Variants in GPD2 observed in about 807,000 individuals in gnomAD.
GPD2 encodes glycerol-3-phosphate dehydrogenase, mitochondrial.
A neutral mutation model predicts 82.4 loss-of-function variants in GPD2; 54 were observed. That is an observed-to-expected ratio of 0.66 (90% CI 0.53 to 0.82). The LOEUF (loss-of-function observed/expected upper bound fraction) is 0.82. Among genes scored for constraint, GPD2 ranks in the 40% least tolerant of loss-of-function variants. The pLI is 0.00. For missense variants in GPD2, 748 were observed against 896.2 expected, an observed-to-expected ratio of 0.83 and a Z score of 2.11; for synonymous variants, 288 against 306.1, an observed-to-expected ratio of 0.94 and a Z score of 0.62.
At chr2:156,498,307 C>T (rs1313625070) in intron 3 of GPD2, among the ~76,000 whole-genome samples, 1 of 152,124 alleles carries the variant, frequency 6.6e-6, no homozygotes, top group Non-Finnish European at 1.5e-5. Context: ...GACCACATTA[C>T]ATGATAGAGA....
upstream of GPD2, among the ~76,000 whole-genome samples, chr2:156,432,773 A>G (rs575337666): frequency 1.3e-5 from 2 of 152,302 alleles, no homozygotes; most frequent in South Asian, 4.1e-4. Context: ...TGTGTGTGTG[A>G]AGAGTGGGAG....
chr2:156,551,071 T>C (rs1686740426), intron 8 of GPD2, among the ~76,000 whole-genome samples: 2 of 152,212 alleles, frequency 1.3e-5, no homozygotes, highest in South Asian at 4.1e-4. Context: ...TTGCAAAATT[T>C]TTTATAAAGG....
At chr2:156,535,289 GAA>G (rs555306806) in intron 6 of GPD2, among the ~76,000 whole-genome samples, 23 of 149,016 alleles carry the variant, frequency 1.5e-4, no homozygotes, top group African/African-American at 4.9e-4. Flanking sequence ...GAGAGAGAGA[GAA>G]AGAGAGAGAA....
At chr2:156,537,162 A>G (rs1386866756) in intron 6 of GPD2, among the ~76,000 whole-genome samples, 1 of 152,110 alleles carries the variant, frequency 6.6e-6, no homozygotes, top group African/African-American at 2.4e-5. Context: ...AAGACAGATA[A>G]CAGTTTATGG....
At chr2:156,476,904 T>C (rs1355524254) in intron 2 of GPD2, among the ~76,000 whole-genome samples, 1 of 152,248 alleles carries the variant, frequency 6.6e-6, no homozygotes. Context: ...CCCCATCCCA[T>C]GTCATTAGGA....
At chr2:156,551,549 G>C (rs1241439415) in intron 8 of GPD2, among the ~76,000 whole-genome samples, 2 of 152,110 alleles carry the variant, frequency 1.3e-5, no homozygotes, top group Non-Finnish European at 2.9e-5. Flanking sequence ...AGTAGGCAAA[G>C]TAGTAATTCT....
At chr2:156,437,859 G>GT (rs999430641) in intron 1 of GPD2, among the ~76,000 whole-genome samples, 7 of 151,882 alleles carry the variant, frequency 4.6e-5, no homozygotes, top group Admixed American at 6.6e-5. Context: ...ACCCCCTTTA[G>GT]TTTTTTTTGT....
chr2:156,572,627 T>C (rs1274909400), intron 13 of GPD2, among the ~76,000 whole-genome samples: 1 of 152,122 alleles, frequency 6.6e-6, no homozygotes, highest in Non-Finnish European at 1.5e-5. Flanking sequence ...TGAGATTATA[T>C]AGGGAGTTAA....
the GPD2 span, among the ~76,000 whole-genome samples, chr2:156,427,788 A>G: frequency 6.6e-6 from 1 of 152,186 alleles, no homozygotes; most frequent in African/African-American, 2.4e-5. Flanking sequence ...GTTGAAAATC[A>G]ACATCACTAG....
chr2:156,533,895 G>A (rs1558947268), intron 6 of GPD2, among the ~76,000 whole-genome samples: 1 of 152,222 alleles, frequency 6.6e-6, no homozygotes, highest in Non-Finnish European at 1.5e-5. Context: ...GCCCACGGTA[G>A]CGTCTAGGGG....
intron 2 of GPD2, among the ~76,000 whole-genome samples, chr2:156,495,153 ACGC>A (rs1431252570): frequency 2.7e-4 from 41 of 152,258 alleles, no homozygotes; most frequent in African/African-American, 9.4e-4. Flanking sequence ...GTTCGAGACC[ACGC>A]TGGGCAACAT....
At chr2:156,570,923 C>T (rs1687589951) in intron 12 of GPD2, among the ~76,000 whole-genome samples, 1 of 152,144 alleles carries the variant, frequency 6.6e-6, no homozygotes, top group Non-Finnish European at 1.5e-5. Flanking sequence ...TAACTCTTGT[C>T]CAATTTTTGC....
intron 1 of GPD2, among the ~76,000 whole-genome samples, chr2:156,475,679 G>A (rs1558916975): frequency 6.6e-6 from 1 of 152,206 alleles, no homozygotes; most frequent in Non-Finnish European, 1.5e-5. Flanking sequence ...GATGTTTATT[G>A]TCTTGTTGAG....
chr2:156,509,018 T>C (rs996881453), intron 3 of GPD2, among the ~76,000 whole-genome samples: 3 of 152,214 alleles, frequency 2.0e-5, no homozygotes, highest in Non-Finnish European at 4.4e-5. Flanking sequence ...ATTTTGGCTC[T>C]CAATATTCTT....
chr2:156,427,912 A>G, the GPD2 span, among the ~76,000 whole-genome samples: 1 of 152,222 alleles, frequency 6.6e-6, no homozygotes, highest in African/African-American at 2.4e-5. Flanking sequence ...TTGTGTCTGC[A>G]TTACTCCAAT....
At chr2:156,498,496 G>A (rs1002548869) in intron 3 of GPD2, among the ~76,000 whole-genome samples, 3 of 152,198 alleles carry the variant, frequency 2.0e-5, no homozygotes, top group East Asian at 1.9e-4. Flanking sequence ...TGTGCAGGAG[G>A]AACAGCGTGG....
At chr2:156,446,715 CA>C (rs1682382337) in intron 1 of GPD2, among the ~76,000 whole-genome samples, 1 of 151,992 alleles carries the variant, frequency 6.6e-6, no homozygotes, top group African/African-American at 2.4e-5. Flanking sequence ...AGGTACGTGC[CA>C]CCATGCCTGG....
At chr2:156,426,822 AT>A in the GPD2 span, among the ~76,000 whole-genome samples, 2 of 99,352 alleles carry the variant, frequency 2.0e-5, no homozygotes, top group Admixed American at 1.2e-4. Flanking sequence ...CAGTGGAGAA[AT>A]TTAAAAAAAA....
At position 156,550,634 on chromosome 2, in the gene GPD2, A is replaced by G; in HGVS notation, c.859A>G (p.Ile287Val). 3.7e-6 allele frequency: 6 copies of G among 1,614,072 alleles called. No homozygotes were observed. The highest frequency in any genetic ancestry group is 5.1e-6 in the Non-Finnish European group (6 of 1,179,904). ...QEFDVRAKCV[I>V]NATGPFTDSV... ...ATTTGACGTGAGAGCCAAATGTGTT[A>G]TCAATGCCACGGGACCTTTCACGGA... The change falls in exon 8 of 17, where the codon ATC becomes GTC. Residue 287 changes from isoleucine to valine, a missense_variant. Ile to Val is a conservative substitution (Grantham distance 29). This residue lies in a region of GPD2 where 692 missense variants were observed against 809.7 expected (regional missense o/e 0.85). Transcript: ENST00000438166.
Sources: allele counts gnomAD v4.1 joint callset (sites outside exome capture counted in the v4.1 genomes callset), GRCh38; gene constraint gnomAD v4.1.1; regional missense constraint gnomAD v4.1.1; transcripts MANE v1.5; gene names NCBI Gene and HGNC (gene_info 2026-07-23, HGNC 2026-07-21).